Variants in PRKX observed in about 807,000 individuals in gnomAD.
PRKX encodes the protein cAMP-dependent protein kinase catalytic subunit PRKX.
PRKX carries 12 observed loss-of-function variants against 22.0 expected under a neutral mutation model. The ratio of observed to expected loss-of-function variants is 0.54; its 90% CI spans 0.35 to 0.88. The LOEUF (loss-of-function observed/expected upper bound fraction) is 0.88. PRKX is among the 40% of genes least tolerant of loss of function. The pLI, the probability that PRKX is intolerant of heterozygous loss-of-function variation, is 0.01. For synonymous variants in PRKX, 134 were observed against 137.7 expected (o/e 0.97, Z 0.19); for missense variants, 217 against 308.0 (o/e 0.70, Z 2.21).
At chrX:3,707,410 G>A (rs1331849552) in intron 1 of PRKX, among the ~76,000 whole-genome samples, 2 of 111,058 alleles carry the variant, frequency 1.8e-5, no homozygotes, top group African/African-American at 3.3e-5. Flanking sequence ...TTCATGCGGT[G>A]GATGGTCTTG....
intron 3 of PRKX, among the ~76,000 whole-genome samples, chrX:3,647,555 G>A (rs6641819): frequency 0.31 from 32,248 of 102,865 alleles, 4,387 homozygotes; most frequent in East Asian, 0.61. Context: ...ATTTATATAT[G>A]AATATACTAA....
chrX:3,664,183 G>A (rs1316446958), intron 2 of PRKX, among the ~76,000 whole-genome samples: 1 of 111,855 alleles, frequency 8.9e-6, no homozygotes, highest in East Asian at 2.8e-4. Flanking sequence ...CACCAGCAGC[G>A]CATCCATGGC....
intron 4 of PRKX, among the ~76,000 whole-genome samples, chrX:3,630,433 G>C (rs1483581074): frequency 9.0e-6 from 1 of 111,367 alleles, no homozygotes; most frequent in Non-Finnish European, 1.9e-5. Flanking sequence ...GGTGGCGGGC[G>C]CCTGTAATCC....
At chrX:3,635,047 AT>A (rs1285499158) in intron 4 of PRKX, among the ~76,000 whole-genome samples, 2 of 111,898 alleles carry the variant, frequency 1.8e-5, no homozygotes, top group Non-Finnish European at 1.9e-5. Context: ...CATTTTTTTC[AT>A]TTAAAAATGC....
At chrX:3,705,837 G>A (rs1185258997) in intron 1 of PRKX, among the ~76,000 whole-genome samples, 2 of 106,117 alleles carry the variant, frequency 1.9e-5, no homozygotes, top group Non-Finnish European at 3.9e-5. Context: ...ACAGGCGCCC[G>A]CCACCACACC....
chrX:3,653,738 AAT>A (rs1247649899), intron 3 of PRKX, among the ~76,000 whole-genome samples: 2 of 63,455 alleles, frequency 3.2e-5, no homozygotes, highest in African/African-American at 6.1e-5. Context: ...TGATATATAT[AAT>A]ATATATAATA....
chrX:3,634,543 T>C lies in PRKX; in HGVS notation c.719+7309A>G, dbSNP rs777681765. Among the ~76,000 whole-genome samples the C allele has an allele frequency of 2.7e-3, 295 of 111,091 alleles. 1 individual carries two copies. Among genetic ancestry groups the C allele is most frequent in the Non-Finnish European group, 3.9e-3 (205 of 53,000 alleles). ...TTCTGACTCCAGTTCAGAATAGTGA[T>C]GAATTTTCTCCTATGCCTCAACTAA... On this transcript the variant is annotated intron_variant, in intron 4 of 8. Coordinates refer to ENST00000262848, the MANE Select transcript of PRKX (RefSeq NM_005044.5).
chrX:3,647,895 G>T (rs1487516002), intron 3 of PRKX, among the ~76,000 whole-genome samples: 1 of 109,892 alleles, frequency 9.1e-6, no homozygotes, highest in Non-Finnish European at 1.9e-5. Flanking sequence ...CACCTCCCCG[G>T]CCCCTGGCAC....
chrX:3,640,943 A>G (rs1251339882), intron 4 of PRKX, among the ~76,000 whole-genome samples: 1 of 111,619 alleles, frequency 9.0e-6, no homozygotes, highest in Non-Finnish European at 1.9e-5. Flanking sequence ...ACAGTTTACG[A>G]ATGCCATGAC....
At chrX:3,657,307 TG>T (rs1023477603) in intron 2 of PRKX, among the ~76,000 whole-genome samples, 2 of 110,700 alleles carry the variant, frequency 1.8e-5, no homozygotes, top group Non-Finnish European at 3.8e-5. Context: ...CGGTAAAATG[TG>T]GTCACTAGAA....
intron 2 of PRKX, among the ~76,000 whole-genome samples, chrX:3,662,968 A>G (rs1202431863): frequency 1.0e-4 from 10 of 98,711 alleles, no homozygotes; most frequent in Admixed American, 4.6e-4. Flanking sequence ...ACTGCACTCC[A>G]TCTTGGGCAA....
chrX:3,639,568 G>C (rs186253938), intron 4 of PRKX, among the ~76,000 whole-genome samples: 1 of 92,856 alleles, frequency 1.1e-5, no homozygotes, highest in Non-Finnish European at 2.2e-5. Flanking sequence ...GAAGGGGTTG[G>C]GGGGTAGGTG....
At chrX:3,616,597 A>G (rs1926425793) in intron 6 of PRKX, among the ~76,000 whole-genome samples, 1 of 112,239 alleles carries the variant, frequency 8.9e-6, no homozygotes, top group African/African-American at 3.2e-5. Context: ...CGTAGGTTCC[A>G]TGAAACAGAA....
At chrX:3,611,482 G>A (rs773908126) in intron 8 of PRKX, 3 of 112,064 alleles carry the variant, frequency 2.7e-5, no homozygotes, top group African/African-American at 9.7e-5. Flanking sequence ...CCATATAACC[G>A]AGCAATTTAG....
intron 1 of PRKX, among the ~76,000 whole-genome samples, chrX:3,702,289 G>A (rs1245307260): frequency 8.9e-6 from 1 of 112,781 alleles, no homozygotes; most frequent in Non-Finnish European, 1.9e-5. Context: ...TTTCTTCTGT[G>A]CCAAGGTTTC....
At chrX:3,639,681 C>T (rs1050811792) in intron 4 of PRKX, among the ~76,000 whole-genome samples, 1 of 110,271 alleles carries the variant, frequency 9.1e-6, no homozygotes, top group African/African-American at 3.3e-5. Context: ...CAATGAAATA[C>T]AGGTTTTTAC....
At chrX:3,670,690 C>T (rs1927829906) in intron 2 of PRKX, among the ~76,000 whole-genome samples, 3 of 110,380 alleles carry the variant, frequency 2.7e-5, no homozygotes, top group Admixed American at 9.7e-5. Context: ...GGACTACAGG[C>T]CCCCCCACCA....
At chrX:3,641,244 C>A (rs1472305427) in intron 4 of PRKX, among the ~76,000 whole-genome samples, 1 of 111,087 alleles carries the variant, frequency 9.0e-6, no homozygotes, top group African/African-American at 3.3e-5. Flanking sequence ...TGGGTCGGGA[C>A]CCCTTTCCTG....
chrX:3,649,862 G>C (rs1462676682), intron 3 of PRKX, among the ~76,000 whole-genome samples: 2 of 104,748 alleles, frequency 1.9e-5, no homozygotes, highest in African/African-American at 7.0e-5. Context: ...GGGAGAGGCT[G>C]AGTACCGTAG....
Sources: allele counts gnomAD v4.1 joint callset (sites outside exome capture counted in the v4.1 genomes callset), GRCh38; gene constraint gnomAD v4.1.1; transcripts MANE v1.5; gene names NCBI Gene and HGNC (gene_info 2026-07-23, HGNC 2026-07-21).